WDR83: variants seen among roughly 807,000 people sequenced by gnomAD.
WDR83 encodes the protein WD repeat domain 83.
In WDR83, 37 loss-of-function variants were observed where a neutral mutation model predicts 37.7. That is an observed-to-expected ratio of 0.98 (90% CI 0.76 to 1.29). The LOEUF (loss-of-function observed/expected upper bound fraction) is 1.29, where lower values mean the gene tolerates loss of function less well. WDR83 is among the 50% of genes most tolerant of loss of function. The probability of loss-of-function intolerance (pLI) is 0.00; values close to 1 mark genes in which losing one functional copy is unlikely to be tolerated. For synonymous variants in WDR83, 174 were observed against 181.1 expected, an observed-to-expected ratio of 0.96 and a Z score of 0.31; for missense variants, 445 against 414.4, an observed-to-expected ratio of 1.07 and a Z score of -0.64.
At chr19:12,672,665 G>A (rs2024457302) in intron 7 of WDR83, 182 bp from the exon 8 acceptor site, 2 of 631,456 alleles carry the variant, frequency 3.2e-6, no homozygotes, top group Non-Finnish European at 5.7e-6. Flanking sequence ...GAAAGGGGGT[G>A]TGGGTCTTGG....
chr19:12,674,560 G>A (rs1468049840), intron 10 of WDR83, among the ~76,000 whole-genome samples: 1 of 152,216 alleles, frequency 6.6e-6, no homozygotes, highest in Non-Finnish European at 1.5e-5. Context: ...TTGGAGGGCA[G>A]GCACATCAAG....
chr19:12,668,461 A>G (rs2024317321), intron 1 of WDR83, 47 bp from the exon 2 acceptor site: 2 of 1,613,138 alleles, frequency 1.2e-6, no homozygotes, highest in Non-Finnish European at 1.7e-6. Flanking sequence ...TAGGATGGCC[A>G]GGCTGGGGTC....
intron 7 of WDR83, among the ~76,000 whole-genome samples, chr19:12,671,577 A>G (rs1017754242): frequency 2.6e-4 from 40 of 151,992 alleles, no homozygotes; most frequent in African/African-American, 8.9e-4. Flanking sequence ...GAGTGAACCC[A>G]GGAGGCAGAG....
Position 12,666,874 on chromosome 19 carries a change from A to G in WDR83, c.-275A>G. The stretch of plus-strand genomic sequence containing the variant: ...ATCCCGGGGGTCGTTACAGGAAGGT[A>G]GGAAAATGCCACCCTCAGGGCACTG... On this transcript the variant is annotated 5_prime_UTR_variant, in exon 1 of 11. Transcript: ENST00000418543. The G allele has an allele frequency of 3.2e-6, 2 of 632,764 alleles. No individual in the cohort carries two copies. Among genetic ancestry groups the G allele is most frequent in the Non-Finnish European group, 5.4e-6 (2 of 370,300 alleles). The allele number at this position is 632,764 out of a possible 1,614,324, so 39.2% of individuals were successfully genotyped here.
intron 1 of WDR83, chr19:12,668,284 G>A (rs1161242942): frequency 6.8e-7 from 1 of 1,467,934 alleles, no homozygotes; most frequent in Admixed American, 2.0e-5. Flanking sequence ...GGCAGCTGAA[G>A]GCAGCAGGTT....
chr19:12,668,517 CACATGAAG>C lies in WDR83; in HGVS notation c.-146_-139del. The C allele has an allele frequency of 6.2e-7, 1 of 1,614,086 alleles. No individual in the cohort carries two copies. On this transcript the variant is annotated 5_prime_UTR_variant, in exon 2 of 11. It removes an upstream start codon present in the reference 5' UTR. Coordinates refer to ENST00000418543, the MANE Select transcript of WDR83 (RefSeq NM_001099737.3). ...GTCACTTGTTCTGTAGGGCAAGTCT[CACATGAAG>C]CTACTCATCATTTGCTTCGTGTCCT...
chr19:12,668,318 T>G, intron 1 of WDR83, 190 bp from the exon 2 acceptor site: 1 of 1,583,506 alleles, frequency 6.3e-7, no homozygotes, highest in Non-Finnish European at 8.6e-7. Flanking sequence ...CCAGGCCTAG[T>G]GGATAGACAG....
At position 12,668,137 on chromosome 19, in the gene WDR83, T is replaced by C. The variant is rs1384441025; in HGVS notation, c.-156-371T>C. 5 of 553,164 alleles carry C rather than the reference T, an allele frequency of 9.0e-6. No individual in the cohort carries two copies. In the East Asian group the frequency reaches 1.2e-4, roughly 13 times the overall value. The allele number at this position is 553,164 out of a possible 1,614,324, so 34.3% of individuals were successfully genotyped here. A position where few individuals can be genotyped will look rare whatever the true frequency, so the allele number is the denominator to read the frequency against. Reference sequence around the variant, plus strand: ...AAGCAAATGAATACCCCTAGAAACATGGACAGCATCTCCCCCAGCAGCAGG... The same window carrying C: ...AAGCAAATGAATACCCCTAGAAACACGGACAGCATCTCCCCCAGCAGCAGG... On this transcript the variant is annotated intron_variant, in intron 1 of 10. Transcript: ENST00000418543.
chr19:12,670,371 G>GT, intron 5 of WDR83, 86 bp downstream of exon 5: 2 of 1,529,564 alleles, frequency 1.3e-6, no homozygotes, highest in Non-Finnish European at 1.8e-6. Flanking sequence ...CCATTACACC[G>GT]TAAGGATCCC....
Position 12,666,963 on chromosome 19 carries a change from A to C in WDR83, c.-186A>C. The C allele has an allele frequency of 1.8e-6, 1 of 558,102 alleles. No homozygotes were observed. The allele number at this position is 558,102 out of a possible 1,614,324, so 34.6% of individuals were successfully genotyped here. On this transcript the variant is annotated 5_prime_UTR_variant, in exon 1 of 11. Coordinates refer to ENST00000418543, the MANE Select transcript of WDR83 (RefSeq NM_001099737.3). ...AAGACGGAATGCCTCTTAATGCCGG[A>C]ATTCCAAGACGGAATGCCTCTTAAT...
intron 10 of WDR83, among the ~76,000 whole-genome samples, chr19:12,674,898 G>A (rs896912287): frequency 1.1e-4 from 17 of 149,452 alleles, no homozygotes; most frequent in African/African-American, 4.2e-4. Context: ...GGTGGATCAC[G>A]AGGTCAGGAG....
At chr19:12,669,921 CCT>C (rs750733531) in intron 3 of WDR83, 28 bp downstream of exon 3, 24 of 1,600,240 alleles carry the variant, frequency 1.5e-5, no homozygotes, top group Non-Finnish European at 2.0e-5. Context: ...CATTCCGGGT[CCT>C]CCTCCCGCCT....
chr19:12,668,116 A>C (rs1340320109), intron 1 of WDR83: 1 of 492,014 alleles, frequency 2.0e-6, no homozygotes, highest in African/African-American at 1.9e-5. Flanking sequence ...ACGAGAAAGC[A>C]AATGAATACC....
chr19:12,667,035 A>G, intron 1 of WDR83, 43 bp downstream of exon 1: 1 of 403,940 alleles, frequency 2.5e-6, no homozygotes. Flanking sequence ...GGGTTTTCCT[A>G]GCCGGTGTAG....
chr19:12,669,923 T>C (rs770062955), intron 3 of WDR83, 30 bp downstream of exon 3: 1 of 1,600,628 alleles, frequency 6.2e-7, no homozygotes, highest in African/African-American at 1.3e-5. Flanking sequence ...TTCCGGGTCC[T>C]CCTCCCGCCT....
intron 3 of WDR83, 29 bp downstream of exon 3, chr19:12,669,922 C>A (rs768782107): frequency 1.1e-5 from 17 of 1,600,378 alleles, no homozygotes; most frequent in Middle Eastern, 3.3e-4. Context: ...ATTCCGGGTC[C>A]TCCTCCCGCC....
At chr19:12,672,441 T>C (rs1437073472) in intron 7 of WDR83, 1 of 204,702 alleles carries the variant, frequency 4.9e-6, no homozygotes, top group East Asian at 1.3e-4. Flanking sequence ...AAACCCCGTC[T>C]CTACTAAAAA....
In WDR83 at chr19:12,668,490, G is replaced by C. The variant is rs1207905202; in HGVS notation, c.-156-18G>C. The C allele has an allele frequency of 1.2e-6, 2 of 1,613,752 alleles. No homozygotes were observed. The highest frequency in any genetic ancestry group is 2.2e-5 in the South Asian group (2 of 91,004). ...TGGGGTCCCCCCACCCCTTACTCAA[G>C]AGTCACTTGTTCTGTAGGGCAAGTC... On this transcript the variant is annotated intron_variant, in intron 1 of 10. Coordinates refer to ENST00000418543, the MANE Select transcript of WDR83 (RefSeq NM_001099737.3).
chr19:12,673,328 C>G lies in WDR83; in HGVS notation c.798+12C>G, dbSNP rs751587124. The G allele has an allele frequency of 1.5e-5, 24 of 1,609,592 alleles. No individual in the cohort carries two copies. Among genetic ancestry groups the G allele is most frequent in the Non-Finnish European group, 2.0e-5 (23 of 1,176,152 alleles). ...GGGACCTGGTGGAGGTGAGGTGCCC[C>G]CAGCCCTACTTCATACCTAGATGCC... is the stretch of plus-strand genomic sequence containing the variant. On this transcript the variant is annotated intron_variant, in intron 10 of 10. Coordinates refer to ENST00000418543, the MANE Select transcript of WDR83 (RefSeq NM_001099737.3).
Sources: allele counts gnomAD v4.1 joint callset (sites outside exome capture counted in the v4.1 genomes callset), GRCh38; gene constraint gnomAD v4.1.1; transcripts MANE v1.5; gene names NCBI Gene and HGNC (gene_info 2026-07-23, HGNC 2026-07-21).